The following RAD9B variants were observed in gnomAD, a reference collection of about 807,000 sequenced individuals.
The protein encoded by RAD9B is RAD9 checkpoint clamp component B.
Under a neutral mutation model 48.3 loss-of-function variants are expected in RAD9B, and 41 were observed. The ratio of observed to expected loss-of-function variants is 0.85; its 90% CI spans 0.66 to 1.10. The LOEUF is 1.10. Among genes scored for constraint, RAD9B ranks in the 50% least tolerant of loss-of-function variants. The probability of loss-of-function intolerance (pLI) is 0.00; values close to 1 mark genes in which losing one functional copy is unlikely to be tolerated. For synonymous variants in RAD9B, 160 were observed against 157.9 expected (o/e 1.01, Z -0.10); for missense variants, 444 against 485.1 (o/e 0.92, Z 0.80).
chr12:110,512,347 C>G (rs1408824444), intron 4 of RAD9B, among the ~76,000 whole-genome samples: 5 of 151,708 alleles, frequency 3.3e-5, no homozygotes. Flanking sequence ...CAGGGTTATG[C>G]CATGTTGACC....
intron 8 of RAD9B, 28 bp from the exon 9 acceptor site, chr12:110,519,766 C>T (rs753594194): frequency 6.3e-7 from 1 of 1,582,982 alleles, no homozygotes; most frequent in African/African-American, 1.4e-5. Context: ...AAATGAGTGT[C>T]ACTGTTGCTC....
rs577955220 is a variant in RAD9B at position 110,519,276 on chromosome 12, G to T, written c.767+338G>T. ...CTACCACCATGCCTGGCTAATTTTTGTATTTTTGGTAGAGACGGGGTTTCA... is the reference window on the plus strand; with the variant it reads ...CTACCACCATGCCTGGCTAATTTTTTTATTTTTGGTAGAGACGGGGTTTCA... On this transcript the variant is annotated intron_variant, in intron 8 of 10. Coordinates refer to ENST00000409300, the MANE Select transcript of RAD9B (RefSeq NM_001286535.2). Among the ~76,000 whole-genome samples the T allele has an allele frequency of 5.3e-5, 8 of 151,680 alleles. No homozygotes were observed. In the East Asian group the frequency reaches 1.6e-3, roughly 29 times the overall value.
Position 110,522,311 on chromosome 12 carries a change from G to T in RAD9B, c.1025G>T (p.Gly342Val), listed in dbSNP as rs370110697. Residue 342 changes from glycine to valine, a missense_variant, in exon 10 of 11, where the codon GGC becomes GTC. By Grantham distance (109) the Gly-to-Val change is moderately radical. Coordinates refer to ENST00000409300, the MANE Select transcript of RAD9B (RefSeq NM_001286535.2). ...AACATATCTGCATTGGAAAACTGTG[G>T]CAGCCCTGCAATGAAAAGAGTGGAT... ...LTNISALENC[G>V]SPAMKRVDGD... The T allele has an allele frequency of 5.6e-6, 9 of 1,613,556 alleles. No individual in the cohort carries two copies. In the African/African-American group the frequency reaches 1.2e-4, roughly 22 times the overall value.
At chr12:110,522,767 C>G (rs974964702) in intron 10 of RAD9B, among the ~76,000 whole-genome samples, 1 of 151,974 alleles carries the variant, frequency 6.6e-6, no homozygotes, top group Admixed American at 6.5e-5. Flanking sequence ...AATTTGTTTC[C>G]TAAAATGTTT....
chr12:110,511,017 G>T (rs1593055571), intron 4 of RAD9B, among the ~76,000 whole-genome samples: 1 of 152,200 alleles, frequency 6.6e-6, no homozygotes, highest in Non-Finnish European at 1.5e-5. Context: ...GAAAAGAAAA[G>T]AAAAGAATTA....
rs923218484 is a variant in RAD9B at position 110,519,689 on chromosome 12, GCCTCC to G, written c.768-101_768-97del. The G allele has an allele frequency of 3.1e-6, 4 of 1,300,162 alleles. No homozygotes were observed. In the African/African-American group the frequency reaches 6.1e-5, roughly 20 times the overall value. 80.5% of individuals were successfully genotyped at this position (1,300,162 alleles called of 1,614,324 possible). On this transcript the variant is annotated intron_variant, in intron 8 of 10. Coordinates refer to ENST00000409300, the MANE Select transcript of RAD9B (RefSeq NM_001286535.2). ...AACCTCAGATGATCCACCCGCCTTG[GCCTCC>G]CCTGTTTCTTTTTAGTCCAGAATTA...
chr12:110,529,313 T>C (rs2064050305), intron 10 of RAD9B, among the ~76,000 whole-genome samples: 1 of 151,836 alleles, frequency 6.6e-6, no homozygotes. Flanking sequence ...CCAGCTAATT[T>C]TTTGTATTTT....
chr12:110,525,825 A>C (rs1243587268), intron 10 of RAD9B, among the ~76,000 whole-genome samples: 1 of 152,076 alleles, frequency 6.6e-6, no homozygotes, highest in Non-Finnish European at 1.5e-5. Flanking sequence ...CGAGTAGCTG[A>C]GATTACAGGC....
intron 6 of RAD9B, among the ~76,000 whole-genome samples, chr12:110,516,522 T>C (rs149666901): frequency 1.7e-3 from 258 of 152,126 alleles, no homozygotes; most frequent in African/African-American, 5.8e-3. Flanking sequence ...TTAAAAAATA[T>C]ATCATTTGGC....
chr12:110,505,591 A>G, intron 2 of RAD9B, 26 bp from the exon 3 acceptor site: 1 of 1,534,990 alleles, frequency 6.5e-7, no homozygotes, highest in Non-Finnish European at 8.8e-7. Flanking sequence ...AACCTCTCCT[A>G]AATAGTTTTT....
chr12:110,502,422 A>AAAAGCAG, intron 1 of RAD9B, 39 bp downstream of exon 1: 3 of 1,609,492 alleles, frequency 1.9e-6, no homozygotes, highest in Non-Finnish European at 2.5e-6. Context: ...TAGCAGAGAG[A>AAAAGCAG]AAAGCAGACG....
chr12:110,503,927 A>C (rs1449386747), intron 2 of RAD9B, 51 bp downstream of exon 2: 37 of 1,109,084 alleles, frequency 3.3e-5, no homozygotes, highest in Non-Finnish European at 4.7e-5. Context: ...GAGATGTTTA[A>C]AGATCCCAGT....
chr12:110,505,969 C>T (rs1461354030), intron 3 of RAD9B, among the ~76,000 whole-genome samples, 197 bp downstream of exon 3: 1 of 152,088 alleles, frequency 6.6e-6, no homozygotes, highest in African/African-American at 2.4e-5. Flanking sequence ...ACTGCAACCT[C>T]TGCCTCCCAG....
In RAD9B at chr12:110,531,572, AGT is replaced by A; in HGVS notation, c.*923_*924del. 4 of 1,571,054 alleles carry A rather than the reference AGT, an allele frequency of 2.5e-6. No homozygotes were observed. The highest frequency in any genetic ancestry group is 3.5e-6 in the Non-Finnish European group (4 of 1,144,272). ...TTTCAGATGTGATTTTTTATTTTGC[AGT>A]GTGCTGCAGGAAAGAATTTAATGGA... On this transcript the variant is annotated 3_prime_UTR_variant, in exon 11 of 11. Coordinates refer to ENST00000409300, the MANE Select transcript of RAD9B (RefSeq NM_001286535.2).
At chr12:110,518,653 T>C (rs755859079) in intron 6 of RAD9B, 23 bp from the exon 7 acceptor site, 2 of 1,485,326 alleles carry the variant, frequency 1.3e-6, no homozygotes, top group Non-Finnish European at 1.8e-6. Flanking sequence ...TTTTATTCTT[T>C]ATTTTCCCAT....
chr12:110,502,803 G>A (rs2063126245), intron 1 of RAD9B: 1 of 164,104 alleles, frequency 6.1e-6, no homozygotes, highest in African/African-American at 2.4e-5. Flanking sequence ...AAATCTCTTT[G>A]GGGCTCAGTT....
At chr12:110,512,048 T>C (rs548502980) in intron 4 of RAD9B, among the ~76,000 whole-genome samples, 2 of 152,056 alleles carry the variant, frequency 1.3e-5, no homozygotes, top group East Asian at 1.9e-4. Flanking sequence ...AGTTTCACCA[T>C]GTTGGCCAGG....
rs767207225 is a variant in RAD9B, at chr12:110,532,695, A to C, written c.*2042A>C. Among the ~76,000 whole-genome samples, 22 of 152,326 alleles carry C rather than the reference A, an allele frequency of 1.4e-4. No homozygotes were observed. The highest frequency in any genetic ancestry group is 2.2e-4 in the Non-Finnish European group (15 of 68,020). ...TAATGGAGCTGCCCTATACAGGTGT[A>C]CCATTTTTTTGTCTTTCATACCATA... On this transcript the variant is annotated 3_prime_UTR_variant, in exon 11 of 11. Coordinates refer to ENST00000409300, the MANE Select transcript of RAD9B (RefSeq NM_001286535.2).
rs147636243 is a variant in RAD9B at position 110,517,384 on chromosome 12, G to A, written c.596-1292G>A. ...TCATGCCTGTAATCCCAGAACTTTG[G>A]GAGGCCGAGGAGGGCTGATCACCTG... On this transcript the variant is annotated intron_variant, in intron 6 of 10. Transcript: ENST00000409300. Among the ~76,000 whole-genome samples, 525 of 151,872 alleles carry A rather than the reference G, an allele frequency of 3.5e-3. 6 individuals are homozygous for A. Among genetic ancestry groups the A allele is most frequent in the African/African-American group, 0.012 (513 of 41,414 alleles).
Sources: gnomAD v4.1 joint callset for allele counts (sites outside exome capture counted in the v4.1 genomes callset) on GRCh38, gnomAD v4.1.1 for gene constraint, MANE v1.5 for transcripts, NCBI Gene and HGNC (gene_info 2026-07-23, HGNC 2026-07-21) for gene names.